Variants in SGCD observed in about 807,000 individuals in gnomAD.
SGCD encodes the protein delta-sarcoglycan.
Under a neutral mutation model 36.6 loss-of-function variants are expected in SGCD, and 18 were observed. The observed-to-expected ratio is 0.49, with a 90% CI of 0.34 to 0.73. The LOEUF is 0.73. Among genes scored for constraint, SGCD ranks in the 30% least tolerant of loss-of-function variants. The pLI is 0.01. For synonymous variants in SGCD, 133 were observed against 130.6 expected (o/e 1.02, Z -0.12); for missense variants, 387 against 346.7 (o/e 1.12, Z -0.92).
intron 4 of SGCD, among the ~76,000 whole-genome samples, chr5:156,531,237 G>T (rs1280191853): frequency 6.6e-6 from 1 of 152,156 alleles, no homozygotes; most frequent in Non-Finnish European, 1.5e-5. Flanking sequence ...GTAGCAAAGA[G>T]CAGCCCTCAC....
chr5:156,151,652 C>A (rs1372028352), intron 3 of SGCD, among the ~76,000 whole-genome samples: 1 of 151,462 alleles, frequency 6.6e-6, no homozygotes, highest in Admixed American at 6.6e-5. Context: ...CCTAGGTTCC[C>A]TTCCAGGATA....
At position 155,946,075 on chromosome 5, in the gene SGCD, A is replaced by C. The variant is rs188052812; in HGVS notation, c.-282+75651A>C. The stretch of plus-strand genomic sequence containing the variant: ...ATGCAGTTGGAAGGTGTCAAGCGTG[A>C]CTCTTACAAATATTCACATTCCACT... On this transcript the variant is annotated intron_variant, in intron 1 of 9. Coordinates refer to the SGCD transcript ENST00000517913. Among the ~76,000 whole-genome samples, 14 of 152,108 alleles carry C rather than the reference A, an allele frequency of 9.2e-5. No homozygotes were observed. The East Asian group carries it at 2.7e-3, about 29-fold the overall frequency.
intron 7 of SGCD, among the ~76,000 whole-genome samples, chr5:156,683,124 G>T (rs959096750): frequency 6.6e-6 from 1 of 152,202 alleles, no homozygotes; most frequent in East Asian, 1.9e-4. Context: ...AAAGGAAACA[G>T]ATGTCCGAGA....
intron 3 of SGCD, among the ~76,000 whole-genome samples, chr5:156,316,166 C>G (rs1162759334): frequency 6.6e-6 from 1 of 151,860 alleles, no homozygotes; most frequent in African/African-American, 2.4e-5. Flanking sequence ...AGATGAGTTT[C>G]TCTACACTAT....
upstream of SGCD, among the ~76,000 whole-genome samples, chr5:156,324,742 A>C (rs1767760794): frequency 6.7e-6 from 1 of 150,216 alleles, no homozygotes; most frequent in African/African-American, 2.5e-5. Flanking sequence ...ACTATTTAAA[A>C]CTTCTTTTTT....
chr5:156,135,200 A>G (rs2127607922), intron 3 of SGCD, among the ~76,000 whole-genome samples: 1 of 152,018 alleles, frequency 6.6e-6, no homozygotes, highest in Middle Eastern at 3.4e-3. Flanking sequence ...GGATTTTCTT[A>G]TTTTTTAATT....
chr5:155,753,758 G>T, the SGCD span, among the ~76,000 whole-genome samples: 1 of 152,098 alleles, frequency 6.6e-6, no homozygotes, highest in Non-Finnish European at 1.5e-5. Flanking sequence ...ATCGTGTAGG[G>T]ATAGGGTTCC....
At chr5:156,731,896 A>ATTTTATTATT in intron 7 of SGCD, among the ~76,000 whole-genome samples, 1 of 151,994 alleles carries the variant, frequency 6.6e-6, no homozygotes, top group Non-Finnish European at 1.5e-5. Flanking sequence ...ATTCCTGGGT[A>ATTTTATTATT]TTTTATTATT....
chr5:155,830,221 G>A, the SGCD span, among the ~76,000 whole-genome samples: 1 of 152,162 alleles, frequency 6.6e-6, no homozygotes, highest in African/African-American at 2.4e-5. Context: ...TTGGAGTCTG[G>A]GATTTCAAGA....
intron 1 of SGCD, among the ~76,000 whole-genome samples, chr5:156,026,593 C>A (rs7721978): frequency 0.19 from 29,463 of 152,116 alleles, 3,571 homozygotes; most frequent in Admixed American, 0.35. Flanking sequence ...GAATTTTGTC[C>A]TTGGGAAGGC....
chr5:156,136,361 C>G (rs1306897707), intron 3 of SGCD, among the ~76,000 whole-genome samples: 1 of 152,214 alleles, frequency 6.6e-6, no homozygotes, highest in Admixed American at 6.5e-5. Context: ...AGTCTCCTAC[C>G]TCGGCCTCCC....
intron 1 of SGCD, among the ~76,000 whole-genome samples, chr5:155,927,569 A>G (rs1412437455): frequency 6.6e-6 from 1 of 152,204 alleles, no homozygotes; most frequent in Non-Finnish European, 1.5e-5. Context: ...ATGATTAGGC[A>G]TCTTAATAAA....
chr5:155,843,050 C>A, the SGCD span, among the ~76,000 whole-genome samples: 2 of 152,300 alleles, frequency 1.3e-5, no homozygotes, highest in African/African-American at 4.8e-5. Flanking sequence ...TTCCATGCTC[C>A]ATTTCTCAAA....
At chr5:156,638,557 G>A (rs1454406803) in intron 6 of SGCD, among the ~76,000 whole-genome samples, 11 of 152,134 alleles carry the variant, frequency 7.2e-5, no homozygotes, top group African/African-American at 2.4e-4. Flanking sequence ...CTTACCTAGA[G>A]GCTGCCTTGT....
chr5:156,740,435 G>A (rs1490639246), intron 7 of SGCD, among the ~76,000 whole-genome samples: 2 of 152,210 alleles, frequency 1.3e-5, no homozygotes, highest in East Asian at 3.8e-4. Flanking sequence ...AGATTGCAAT[G>A]AATTATGTCA....
At chr5:155,862,735 T>A in the SGCD span, among the ~76,000 whole-genome samples, 5 of 152,230 alleles carry the variant, frequency 3.3e-5, no homozygotes, top group Non-Finnish European at 7.3e-5. Flanking sequence ...GAATAAGACA[T>A]GTGTGATTTC....
chr5:156,481,924 C>A (rs1755448010), intron 3 of SGCD, among the ~76,000 whole-genome samples: 1 of 152,200 alleles, frequency 6.6e-6, no homozygotes, highest in South Asian at 2.1e-4. Context: ...TCAGACACCA[C>A]CTGCTTATGC....
In SGCD at chr5:156,333,783, A is replaced by ATTTTT. The variant is rs70984404; in HGVS notation, c.3+4237_3+4241dup. ...GTGCTTTCTTTATGTTAGAAAAGTG[A>ATTTTT]TTTTTTTTTTTTTTTTTTTTTTTTT... is the stretch of plus-strand genomic sequence containing the variant. On this transcript the variant is annotated intron_variant, in intron 2 of 8. Coordinates refer to ENST00000337851, the MANE Select transcript of SGCD (RefSeq NM_000337.6). 9.0e-4 allele frequency among the ~76,000 whole-genome samples: 18 copies of ATTTTT among 19,966 alleles called. 2 individuals are homozygous for ATTTTT. The highest frequency in any genetic ancestry group is 2.1e-3 in the African/African-American group (11 of 5,236). 13.1% of individuals were successfully genotyped at this position (19,966 alleles called of 152,430 possible).
At chr5:155,777,507 C>G in the SGCD span, among the ~76,000 whole-genome samples, 3 of 152,106 alleles carry the variant, frequency 2.0e-5, no homozygotes, top group Non-Finnish European at 4.4e-5. Context: ...TAGGCACATG[C>G]CACCACACCC....
Sources: gnomAD v4.1 joint callset for allele counts (sites outside exome capture counted in the v4.1 genomes callset) on GRCh38, gnomAD v4.1.1 for gene constraint, MANE v1.5 for transcripts, NCBI Gene and HGNC (gene_info 2026-07-23, HGNC 2026-07-21) for gene names.